MDN1: variants seen among roughly 807,000 people sequenced by gnomAD.
The protein encoded by MDN1 is midasin.
In MDN1, 266 loss-of-function variants were observed where a neutral mutation model predicts 669.2. The ratio of observed to expected loss-of-function variants is 0.40; its 90% CI spans 0.36 to 0.44. MDN1 has a LOEUF of 0.44. Among genes scored for constraint, MDN1 ranks in the 20% least tolerant of loss-of-function variants. The probability of loss-of-function intolerance (pLI) is 1.00; values close to 1 mark genes in which losing one functional copy is unlikely to be tolerated. For missense variants in MDN1, 5,940 were observed against 6,754.0 expected, an observed-to-expected ratio of 0.88 and a Z score of 4.22; for synonymous variants, 2,385 against 2,457.1, an observed-to-expected ratio of 0.97 and a Z score of 0.87.
chr6:89,659,009 T>C lies in MDN1; in HGVS notation c.14714-92A>G, dbSNP rs1335072895. 6.2e-6 allele frequency: 8 copies of C among 1,285,948 alleles called. No homozygotes were observed. The East Asian group carries it at 1.2e-4, about 19-fold the overall frequency. 79.7% of individuals were successfully genotyped at this position (1,285,948 alleles called of 1,614,324 possible). A position where few individuals can be genotyped will look rare whatever the true frequency, so the allele number is the denominator to read the frequency against. On this transcript the variant is annotated intron_variant, in intron 88 of 101. Transcript: ENST00000369393. The stretch of plus-strand genomic sequence containing the variant: ...AGCTACTTATGCAAGTTTTGTCTTA[T>C]TACAATTCTCTAAACCAGCGAGTGG...
intron 1 of MDN1, among the ~76,000 whole-genome samples, chr6:89,818,320 C>CAAAAAA (rs60891640): frequency 2.9e-5 from 2 of 67,840 alleles, no homozygotes; most frequent in East Asian, 5.3e-4. Context: ...GCCTCCGTCT[C>CAAAAAA]AAAAAAAAAA....
chr6:89,754,791 A>G (rs1258164861), intron 20 of MDN1, among the ~76,000 whole-genome samples: 1 of 152,236 alleles, frequency 6.6e-6, no homozygotes, highest in Non-Finnish European at 1.5e-5. Context: ...TTCATGATCA[A>G]TTAGCACCAC....
At chr6:89,665,627 A>C (rs1221436139) in intron 84 of MDN1, among the ~76,000 whole-genome samples, 1 of 150,978 alleles carries the variant, frequency 6.6e-6, no homozygotes, top group Admixed American at 6.6e-5. Context: ...TAACTGCTTG[A>C]ATCCGGGAGG....
In MDN1 at chr6:89,713,271, A is replaced by G. The variant is rs2128312112; in HGVS notation, c.7095T>C (p.Thr2365=). The G allele has an allele frequency of 1.2e-6, 2 of 1,613,404 alleles. No homozygotes were observed. Among genetic ancestry groups the G allele is most frequent in the African/African-American group, 2.7e-5 (2 of 74,982 alleles). ...CAATTAGTATGGCTGTCTGGATTAGAGTTGATACAGAAGATGTTGGAGAAC... is the reference window on the plus strand; with the variant it reads ...CAATTAGTATGGCTGTCTGGATTAGGGTTGATACAGAAGATGTTGGAGAAC... ...VVGSPTSSVS[T]LIQTAILIVQ... is the part of the protein sequence containing the mutation. The change falls in exon 47 of 102, where the codon ACT becomes ACC. Residue 2365 remains threonine (T), a synonymous_variant. Coordinates refer to ENST00000369393, the MANE Select transcript of MDN1 (RefSeq NM_014611.3).
chr6:89,762,291 C>A, intron 16 of MDN1, 28 bp downstream of exon 16: 1 of 1,584,524 alleles, frequency 6.3e-7, no homozygotes, highest in South Asian at 1.1e-5. Context: ...CATGCCCTCC[C>A]CCATGGCAGC....
In MDN1 at chr6:89,644,007, A is replaced by G. The variant is rs753704205; in HGVS notation, c.16789T>C (p.Ter5597GlnextTer8). 3.1e-6 allele frequency: 5 copies of G among 1,608,236 alleles called. No individual in the cohort carries two copies. The highest frequency in any genetic ancestry group is 1.7e-4 in the Middle Eastern group (1 of 6,026). Residue 5597 changes from the stop codon to glutamine, a stop_lost, in exon 102 of 102, where the codon TAG becomes CAG. Coordinates refer to ENST00000369393, the MANE Select transcript of MDN1 (RefSeq NM_014611.3). ...CACTTTGGACTCTTCTTTCTGTTCTATGGGTGGTCAGAGGCTGTCACCAAC... is the reference window on the plus strand; with the variant it reads ...CACTTTGGACTCTTCTTTCTGTTCTGTGGGTGGTCAGAGGCTGTCACCAAC... The part of the protein sequence containing the change: ...FELVTASDHP[*>Q]
intron 43 of MDN1, among the ~76,000 whole-genome samples, chr6:89,717,220 A>G (rs1814435368): frequency 6.6e-6 from 1 of 152,248 alleles, no homozygotes; most frequent in Admixed American, 6.5e-5. Flanking sequence ...AATAACTGGT[A>G]ATTACTTGCC....
Position 89,725,293 on chromosome 6 carries a change from T to C in MDN1, c.5576A>G (p.His1859Arg), listed in dbSNP as rs779347354. 5.0e-6 allele frequency: 8 copies of C among 1,614,038 alleles called. No individual in the cohort carries two copies. In the East Asian group the frequency reaches 1.6e-4, roughly 31 times the overall value. ...PELGMSFQVQ[H>R]EKTKIFGCQN... ...ACACCCAAAAATCTTCGTCTTTTCA[T>C]GCTGCACTTGAAAGCTCATTCCTAA... is the stretch of plus-strand genomic sequence containing the variant. The change falls in exon 38 of 102, where the codon CAT becomes CGT. Residue 1859 changes from histidine to arginine, a missense_variant. His to Arg is a conservative substitution (Grantham distance 29). This residue lies in a region of MDN1 where 2,292 missense variants were observed against 2,638.3 expected (regional missense o/e 0.87). Coordinates refer to ENST00000369393, the MANE Select transcript of MDN1 (RefSeq NM_014611.3).
At chr6:89,782,640 T>G (rs909686509) in intron 9 of MDN1, among the ~76,000 whole-genome samples, 9 of 117,468 alleles carry the variant, frequency 7.7e-5, no homozygotes, top group South Asian at 2.7e-4. Flanking sequence ...ATAATAATAA[T>G]AAGATATAAA....
At chr6:89,703,877 G>A (rs1813340252) in intron 53 of MDN1, among the ~76,000 whole-genome samples, 1 of 151,698 alleles carries the variant, frequency 6.6e-6, no homozygotes, top group Admixed American at 6.6e-5. Flanking sequence ...GCTGAGCGTG[G>A]TGGCACGCGC....
rs906176504 is a variant in MDN1 at position 89,672,716 on chromosome 6, T to C, written c.13475-14A>G. The C allele has an allele frequency of 3.1e-6, 5 of 1,612,426 alleles. No individual in the cohort carries two copies. The highest frequency in any genetic ancestry group is 4.2e-6 in the Non-Finnish European group (5 of 1,179,442). ...ACATTTGATTTCCTAGCAGGTAACA[T>C]GGTGCAAAACAAACATACAAACAAA... On this transcript the variant is annotated splice_polypyrimidine_tract_variant and intron_variant, in intron 80 of 101. Transcript: ENST00000369393.
intron 40 of MDN1, among the ~76,000 whole-genome samples, chr6:89,721,480 A>C (rs2128313559): frequency 6.6e-6 from 1 of 152,234 alleles, no homozygotes; most frequent in East Asian, 1.9e-4. Context: ...AGGTATGGAG[A>C]GTTGGCTTGA....
chr6:89,734,602 G>A (rs1033975187), intron 33 of MDN1, among the ~76,000 whole-genome samples: 48 of 147,994 alleles, frequency 3.2e-4, no homozygotes, highest in Admixed American at 8.9e-4. Context: ...AGAAGTTGCA[G>A]TGAGTCAATA....
At chr6:89,679,786 A>G (rs1349038538) in intron 74 of MDN1, among the ~76,000 whole-genome samples, 1 of 152,236 alleles carries the variant, frequency 6.6e-6, no homozygotes, top group Non-Finnish European at 1.5e-5. Context: ...GGCAGTCACC[A>G]GTGAGCACAA....
intron 19 of MDN1, 143 bp downstream of exon 19, chr6:89,758,112 T>G: frequency 1.6e-6 from 1 of 641,288 alleles, no homozygotes; most frequent in Non-Finnish European, 2.8e-6. Context: ...TATTCAGGAT[T>G]CTGAGGTGGG....
chr6:89,786,211 T>A (rs189274423), intron 8 of MDN1, among the ~76,000 whole-genome samples: 1 of 152,042 alleles, frequency 6.6e-6, no homozygotes, highest in East Asian at 1.9e-4. Flanking sequence ...GTGAGCCAAA[T>A]CATGCCACTG....
intron 2 of MDN1, among the ~76,000 whole-genome samples, chr6:89,796,321 T>A (rs1168107695): frequency 1.2e-4 from 3 of 24,622 alleles, no homozygotes; most frequent in Non-Finnish European, 1.8e-4. Flanking sequence ...CAAAACTCTG[T>A]CTCAAAAAAA....
At chr6:89,673,535 C>T in intron 79 of MDN1, 73 bp from the exon 80 acceptor site, 1 of 1,311,866 alleles carries the variant, frequency 7.6e-7, no homozygotes, top group African/African-American at 1.5e-5. Flanking sequence ...TCCCTGCAAC[C>T]ACTACAAGAT....
intron 40 of MDN1, among the ~76,000 whole-genome samples, chr6:89,722,352 C>G (rs940062890): frequency 6.6e-6 from 1 of 152,208 alleles, no homozygotes; most frequent in African/African-American, 2.4e-5. Flanking sequence ...CCTCCTCCTG[C>G]TTCTCACCTT....
Sources: allele counts gnomAD v4.1 joint callset (sites outside exome capture counted in the v4.1 genomes callset), GRCh38; gene constraint gnomAD v4.1.1; regional missense constraint gnomAD v4.1.1; transcripts MANE v1.5; gene names NCBI Gene and HGNC (gene_info 2026-07-23, HGNC 2026-07-21).